Variants in IQCH observed in about 807,000 individuals in gnomAD.
The protein encoded by IQCH is IQ domain-containing protein H.
In IQCH, 98 loss-of-function variants were observed where a neutral mutation model predicts 117.0. The observed-to-expected ratio is 0.84, with a 90% CI of 0.71 to 0.99. The LOEUF is 0.99. Ranked by LOEUF, IQCH falls within the 50% of genes least tolerant of loss-of-function variation. The probability of loss-of-function intolerance (pLI) is 0.00; values close to 1 mark genes in which losing one functional copy is unlikely to be tolerated. For synonymous variants in IQCH, 412 were observed against 448.2 expected, an observed-to-expected ratio of 0.92 and a Z score of 1.02; for missense variants, 1,102 against 1,243.8, an observed-to-expected ratio of 0.89 and a Z score of 1.72.
intron 5 of IQCH, among the ~76,000 whole-genome samples, 187 bp from the exon 6 acceptor site, chr15:67,343,876 G>C (rs1356310332): frequency 6.6e-6 from 1 of 151,866 alleles, no homozygotes; most frequent in Non-Finnish European, 1.5e-5. Context: ...TTTTTCCTTG[G>C]GTTAGAATAT....
chr15:67,382,679 T>G (rs1046503718), intron 10 of IQCH, among the ~76,000 whole-genome samples: 2 of 152,244 alleles, frequency 1.3e-5, no homozygotes, highest in Non-Finnish European at 2.9e-5. Context: ...TTGGTAGGTT[T>G]ATGTGACCTT....
intron 8 of IQCH, among the ~76,000 whole-genome samples, chr15:67,362,407 T>C (rs1970174866): frequency 6.6e-6 from 1 of 152,168 alleles, no homozygotes; most frequent in Admixed American, 6.5e-5. Context: ...GGTGATAACA[T>C]TGTAATCTCA....
intron 4 of IQCH, among the ~76,000 whole-genome samples, chr15:67,299,609 A>G (rs1199766049): frequency 3.9e-5 from 6 of 152,156 alleles, no homozygotes; most frequent in African/African-American, 1.2e-4. Context: ...AAAAAATTTT[A>G]ATGTCAATTA....
chr15:67,442,865 T>TAGATAG (rs1313067375), intron 16 of IQCH, among the ~76,000 whole-genome samples: 63 of 127,954 alleles, frequency 4.9e-4, no homozygotes, highest in Middle Eastern at 4.0e-3. Flanking sequence ...GATAGATAGA[T>TAGATAG]ATACATATAT....
Position 67,384,894 on chromosome 15 carries a change from G to A in IQCH, c.1373-42G>A, listed in dbSNP as rs1354512593. On this transcript the variant is annotated intron_variant, in intron 10 of 20. Transcript: ENST00000335894. The surrounding 1 kb of genome is among the most constrained non-coding windows in gnomAD (Gnocchi z 4.3). The stretch of plus-strand genomic sequence containing the variant: ...TTCTCTTGTGCCATTTTGCTATATC[G>A]ACTTGCTCTTTCTGTGTTTTGACAC... 5.6e-6 allele frequency: 7 copies of A among 1,246,138 alleles called. No individual in the cohort carries two copies. Among genetic ancestry groups the A allele is most frequent in the African/African-American group, 1.5e-5 (1 of 67,490 alleles). The allele number at this position is 1,246,138 out of a possible 1,614,324, so 77.2% of individuals were successfully genotyped here. A position where few individuals can be genotyped will look rare whatever the true frequency, so the allele number is the denominator to read the frequency against.
chr15:67,436,279 C>T lies in IQCH; in HGVS notation c.2505+14702C>T, dbSNP rs1314876085. Among the ~76,000 whole-genome samples, 1 of 152,222 alleles carries T rather than the reference C, an allele frequency of 6.6e-6. No homozygotes were observed. The highest frequency in any genetic ancestry group is 2.1e-4 in the South Asian group (1 of 4,828). On this transcript the variant is annotated intron_variant, in intron 16 of 20. Transcript: ENST00000335894. The surrounding 1 kb of genome is among the most constrained non-coding windows in gnomAD (Gnocchi z 5.1). Reference sequence around the variant, plus strand: ...GGAAGTAGGAAAGGGAGACCCTCCTCTCTCAAACACACACCCCCGCACTGG... The same window carrying T: ...GGAAGTAGGAAAGGGAGACCCTCCTTTCTCAAACACACACCCCCGCACTGG...
intron 17 of IQCH, among the ~76,000 whole-genome samples, chr15:67,471,874 T>A (rs1373107387): frequency 1.3e-5 from 2 of 152,174 alleles, no homozygotes; most frequent in Non-Finnish European, 2.9e-5. Flanking sequence ...AAAAAGTAGT[T>A]GTATCTTGTA....
At chr15:67,484,574 CAAAAAAAA>C (rs61010661) in intron 18 of IQCH, among the ~76,000 whole-genome samples, 1 of 125,560 alleles carries the variant, frequency 8.0e-6, no homozygotes, top group Non-Finnish European at 1.7e-5. Context: ...ACTAAAAATA[CAAAAAAAA>C]AAAAAAAAAA....
Position 67,494,387 on chromosome 15 carries a change from C to T in IQCH, c.2970+21C>T, listed in dbSNP as rs1026930079. 7.3e-6 allele frequency: 11 copies of T among 1,504,824 alleles called. No individual in the cohort carries two copies. Among genetic ancestry groups the T allele is most frequent in the South Asian group, 4.6e-5 (4 of 86,044 alleles). The allele number at this position is 1,504,824 out of a possible 1,614,324, so 93.2% of individuals were successfully genotyped here. A position where few individuals can be genotyped will look rare whatever the true frequency, so the allele number is the denominator to read the frequency against. The stretch of plus-strand genomic sequence containing the variant: ...TTAAGGTGAGGTGTTAATTAACTAA[C>T]GATTCTGGTTAATTTCTATACAAGG... On this transcript the variant is annotated intron_variant, in intron 20 of 20. Transcript: ENST00000335894. This position sits in a 1 kb window ranked among gnomAD's most constrained non-coding sequence, Gnocchi z 5.5.
chr15:67,382,089 C>G (rs1970952910), intron 10 of IQCH, among the ~76,000 whole-genome samples: 1 of 152,046 alleles, frequency 6.6e-6, no homozygotes. Context: ...AGCTAAGAGT[C>G]TGGTTACAGG....
At chr15:67,291,789 C>G (rs979736917) in intron 4 of IQCH, among the ~76,000 whole-genome samples, 1 of 152,114 alleles carries the variant, frequency 6.6e-6, no homozygotes, top group African/African-American at 2.4e-5. Context: ...AAGAGAATGC[C>G]TACAAGGATC....
chr15:67,383,966 G>T (rs906286033), intron 10 of IQCH, among the ~76,000 whole-genome samples: 1 of 152,118 alleles, frequency 6.6e-6, no homozygotes, highest in African/African-American at 2.4e-5. Context: ...AATTGCTATA[G>T]TTTTCCTTAG....
Position 67,421,388 on chromosome 15 carries a change from A to G in IQCH, c.2316A>G (p.Thr772=), listed in dbSNP as rs1277243893. The change falls in exon 16 of 21, where the codon ACA becomes ACG. Residue 772 remains threonine (T), a synonymous_variant. Coordinates refer to ENST00000335894, the MANE Select transcript of IQCH (RefSeq NM_001031715.3). ...EPNGKISVLS[T]GDQLHAESPF... Reference sequence around the variant, plus strand: ...ACGGGAAAATCAGCGTGCTGTCGACAGGGGACCAGCTTCATGCTGAAAGCC... The same window carrying G: ...ACGGGAAAATCAGCGTGCTGTCGACGGGGGACCAGCTTCATGCTGAAAGCC... The G allele has an allele frequency of 6.2e-7, 1 of 1,614,218 alleles. No homozygotes were observed. The highest frequency in any genetic ancestry group is 8.5e-7 in the Non-Finnish European group (1 of 1,180,018).
intron 4 of IQCH, among the ~76,000 whole-genome samples, chr15:67,312,557 A>G (rs1311109590): frequency 2.6e-5 from 4 of 152,176 alleles, no homozygotes; most frequent in Admixed American, 6.6e-5. Context: ...GGAAAAGTGG[A>G]TACGTCTAGA....
intron 4 of IQCH, among the ~76,000 whole-genome samples, chr15:67,333,375 T>A (rs1002938730): frequency 2.0e-5 from 3 of 152,272 alleles, no homozygotes; most frequent in African/African-American, 4.8e-5. Flanking sequence ...GGAATCATTT[T>A]TAATTCAGAG....
chr15:67,499,216 T>C (rs1254596909), intron 20 of IQCH, among the ~76,000 whole-genome samples: 1 of 143,088 alleles, frequency 7.0e-6, no homozygotes, highest in Non-Finnish European at 1.5e-5. Context: ...GGAGAATTGC[T>C]TGAGCCCAGA....
intron 4 of IQCH, among the ~76,000 whole-genome samples, chr15:67,303,110 C>T (rs1031726883): frequency 1.3e-5 from 2 of 152,172 alleles, no homozygotes; most frequent in African/African-American, 4.8e-5. Context: ...AGATCACCCT[C>T]AAAACTAAGA....
At position 67,356,268 on chromosome 15, in the gene IQCH, G is replaced by A. The variant is rs1407035326; in HGVS notation, c.638-1077G>A. ...TACACTACTGGCCAGGGGATAGTGA[G>A]GACTACAAGTCACAGGGAAGCTTGC... On this transcript the variant is annotated intron_variant, in intron 6 of 20. Transcript: ENST00000335894. The surrounding 1 kb of genome is among the most constrained non-coding windows in gnomAD (Gnocchi z 5.3). Among the ~76,000 whole-genome samples the A allele has an allele frequency of 1.3e-5, 2 of 152,096 alleles. No homozygotes were observed. Among genetic ancestry groups the A allele is most frequent in the East Asian group, 3.8e-4 (2 of 5,198 alleles).
chr15:67,402,767 C>A (rs1971717057), intron 14 of IQCH, among the ~76,000 whole-genome samples: 1 of 152,200 alleles, frequency 6.6e-6, no homozygotes, highest in Non-Finnish European at 1.5e-5. Flanking sequence ...TTAATACTTA[C>A]AAATAGCATC....
Sources: gnomAD v4.1 joint callset for allele counts (sites outside exome capture counted in the v4.1 genomes callset) on GRCh38, gnomAD v4.1.1 for gene constraint, Gnocchi (gnomAD v3.1) non-coding constraint, MANE v1.5 for transcripts, NCBI Gene and HGNC (gene_info 2026-07-23, HGNC 2026-07-21) for gene names.